Variants in DIAPH2 observed in about 807,000 individuals in gnomAD.
DIAPH2 encodes protein diaphanous homolog 2.
In DIAPH2, 35 loss-of-function variants were observed where a neutral mutation model predicts 92.7. That is an observed-to-expected ratio of 0.38 (90% CI 0.29 to 0.50). The LOEUF (loss-of-function observed/expected upper bound fraction) is 0.50. DIAPH2 is among the 20% of genes least tolerant of loss of function. The probability of loss-of-function intolerance (pLI) is 0.94; values close to 1 mark genes in which losing one functional copy is unlikely to be tolerated. For missense variants in DIAPH2, 701 were observed against 819.5 expected (o/e 0.86, Z 1.77); for synonymous variants, 301 against 280.4 (o/e 1.07, Z -0.73).
intron 23 of DIAPH2, among the ~76,000 whole-genome samples, chrX:97,325,671 G>A (rs1242075621): frequency 2.7e-5 from 3 of 109,736 alleles, no homozygotes; most frequent in Non-Finnish European, 3.8e-5. Flanking sequence ...TCCGCGTCCC[G>A]GGTTCACACC....
At chrX:97,312,177 G>T (rs1294881001) in intron 23 of DIAPH2, among the ~76,000 whole-genome samples, 2 of 110,021 alleles carry the variant, frequency 1.8e-5, no homozygotes, top group East Asian at 2.8e-4. Flanking sequence ...AGTTAGTTCA[G>T]CCTACGCCCA....
intron 24 of DIAPH2, among the ~76,000 whole-genome samples, chrX:97,350,143 C>T (rs1022077413): frequency 4.8e-4 from 53 of 109,933 alleles, no homozygotes; most frequent in Non-Finnish European, 5.1e-4. Context: ...AACCCTGTCT[C>T]TACTAATAAT....
chrX:96,735,541 A>G (rs185761331), intron 1 of DIAPH2, among the ~76,000 whole-genome samples: 167 of 111,920 alleles, frequency 1.5e-3, no homozygotes, highest in Admixed American at 6.6e-3. Flanking sequence ...GCCGTATTTA[A>G]AAACAAATAT....
intron 4 of DIAPH2, among the ~76,000 whole-genome samples, chrX:96,783,018 A>G (rs1455434262): frequency 8.9e-6 from 1 of 112,100 alleles, no homozygotes; most frequent in Non-Finnish European, 1.9e-5. Context: ...TCCACAAGGG[A>G]TTATTCAGTA....
chrX:97,154,722 C>T (rs368769513), intron 22 of DIAPH2, among the ~76,000 whole-genome samples: 4 of 111,660 alleles, frequency 3.6e-5, no homozygotes, highest in African/African-American at 1.3e-4. Flanking sequence ...TGAGGAACTG[C>T]GGCTGCTAAA....
At chrX:97,226,477 G>A (rs374435981) in intron 22 of DIAPH2, among the ~76,000 whole-genome samples, 3 of 110,908 alleles carry the variant, frequency 2.7e-5, no homozygotes, top group East Asian at 5.7e-4. Flanking sequence ...AGGTTCAAGT[G>A]ACTCTCCTGC....
intron 22 of DIAPH2, among the ~76,000 whole-genome samples, chrX:97,235,601 CAAAAAAAAAA>C (rs10563336): frequency 3.7e-5 from 2 of 53,385 alleles, no homozygotes; most frequent in Admixed American, 4.8e-4. Context: ...GAGACTACGT[CAAAAAAAAAA>C]AAAAAAAAAA....
chrX:97,306,623 C>G (rs73550344), intron 23 of DIAPH2, among the ~76,000 whole-genome samples: 9 of 111,485 alleles, frequency 8.1e-5, no homozygotes. Context: ...CCTTGCAATC[C>G]GTTTATCATT....
intron 1 of DIAPH2, among the ~76,000 whole-genome samples, chrX:96,722,973 C>T (rs755572008): frequency 8.9e-6 from 1 of 111,800 alleles, no homozygotes; most frequent in South Asian, 3.8e-4. Context: ...TTTGAGTCTA[C>T]ATACAGTCTC....
intron 17 of DIAPH2, among the ~76,000 whole-genome samples, chrX:97,066,659 T>G (rs923149116): frequency 8.9e-6 from 1 of 112,246 alleles, no homozygotes; most frequent in African/African-American, 3.2e-5. Context: ...CATTACCTGC[T>G]GAGTTATTGA....
At chrX:97,042,103 A>G (rs1479389109) in intron 17 of DIAPH2, among the ~76,000 whole-genome samples, 1 of 111,751 alleles carries the variant, frequency 8.9e-6, no homozygotes, top group Non-Finnish European at 1.9e-5. Flanking sequence ...CTTTTTTAAC[A>G]TGGATGTTAG....
At chrX:97,166,901 C>A (rs1379047362) in intron 22 of DIAPH2, among the ~76,000 whole-genome samples, 2 of 112,117 alleles carry the variant, frequency 1.8e-5, no homozygotes, top group South Asian at 7.4e-4. Flanking sequence ...CATAAATAAT[C>A]TATTGTCTAC....
chrX:96,850,767 G>A (rs1048788647), intron 4 of DIAPH2, among the ~76,000 whole-genome samples: 1 of 109,704 alleles, frequency 9.1e-6, no homozygotes, highest in African/African-American at 3.3e-5. Flanking sequence ...TATGCCATAT[G>A]TTTCTAATCA....
intron 22 of DIAPH2, among the ~76,000 whole-genome samples, chrX:97,246,429 A>G (rs1488119042): frequency 1.8e-5 from 2 of 112,508 alleles, no homozygotes; most frequent in African/African-American, 6.5e-5. Context: ...ATAATTTCCA[A>G]GCTTGTCAGA....
At chrX:97,236,404 C>G (rs1569337259) in intron 22 of DIAPH2, among the ~76,000 whole-genome samples, 1 of 111,382 alleles carries the variant, frequency 9.0e-6, no homozygotes, top group Non-Finnish European at 1.9e-5. Context: ...TAATTCTTGC[C>G]AAATAGTAAT....
chrX:97,238,770 T>G (rs2068069062), intron 22 of DIAPH2, among the ~76,000 whole-genome samples: 1 of 111,856 alleles, frequency 8.9e-6, no homozygotes, highest in African/African-American at 3.2e-5. Context: ...TGAAACTACC[T>G]TATAAATGCA....
chrX:96,962,386 TATATACAC>T (rs1358650238), intron 16 of DIAPH2, among the ~76,000 whole-genome samples: 7 of 71,872 alleles, frequency 9.7e-5, no homozygotes, highest in African/African-American at 4.1e-4. Context: ...TATACACATA[TATATACAC>T]ATATATATAC....
chrX:97,182,374 C>G (rs567708647), intron 22 of DIAPH2, among the ~76,000 whole-genome samples: 1 of 111,142 alleles, frequency 9.0e-6, no homozygotes, highest in Non-Finnish European at 1.9e-5. Flanking sequence ...ATAATGGCCT[C>G]GAATGCCATG....
intron 4 of DIAPH2, among the ~76,000 whole-genome samples, chrX:96,816,328 C>A (rs1333651740): frequency 3.6e-5 from 4 of 111,911 alleles, no homozygotes; most frequent in Non-Finnish European, 5.6e-5. Context: ...GACATAAATT[C>A]TTTTGGATCA....
Sources: gnomAD v4.1 joint callset for allele counts (sites outside exome capture counted in the v4.1 genomes callset) on GRCh38, gnomAD v4.1.1 for gene constraint, MANE v1.5 for transcripts, NCBI Gene and HGNC (gene_info 2026-07-23, HGNC 2026-07-21) for gene names.